Variants in CNGB3 observed in about 807,000 individuals in gnomAD.
CNGB3 encodes cyclic nucleotide gated channel subunit beta 3, also known as cyclic nucleotide-gated channel beta-3.
CNGB3 carries 86 observed loss-of-function variants against 92.8 expected under a neutral mutation model. The ratio of observed to expected loss-of-function variants is 0.93; its 90% confidence interval spans 0.78 to 1.11. The LOEUF (loss-of-function observed/expected upper bound fraction) is 1.11. Ranked by LOEUF, CNGB3 falls within the 50% of genes least tolerant of loss-of-function variation. The pLI, the probability that CNGB3 is intolerant of heterozygous loss-of-function variation, is 0.00. For missense variants in CNGB3, 1,026 were observed against 956.8 expected (o/e 1.07, Z -0.95); for synonymous variants, 333 against 332.7 (o/e 1.00, Z -0.01).
At chr8:86,710,673 C>T (rs1037082823) in intron 3 of CNGB3, among the ~76,000 whole-genome samples, 15 of 152,050 alleles carry the variant, frequency 9.9e-5, no homozygotes, top group Admixed American at 8.5e-4. Flanking sequence ...TCTATTACCA[C>T]GGAAGACTGC....
At position 86,654,973 on chromosome 8, in the gene CNGB3, A is replaced by G. The variant is rs115023524; in HGVS notation, c.853-911T>C. 4.4e-3 allele frequency among the ~76,000 whole-genome samples: 669 copies of G among 152,232 alleles called. 6 individuals carry two copies. Among genetic ancestry groups the G allele is most frequent in the African/African-American group, 0.015 (635 of 41,522 alleles). ...GCTGTTGATGGGTAAGCAACTGCCC[A>G]TTGTCCTCTTCACTTAGCAGATCCA... On this transcript the variant is annotated intron_variant, in intron 6 of 17. Coordinates refer to ENST00000320005, the MANE Select transcript of CNGB3 (RefSeq NM_019098.5).
intron 6 of CNGB3, among the ~76,000 whole-genome samples, chr8:86,664,643 G>A (rs1022225743): frequency 3.9e-5 from 6 of 152,200 alleles, no homozygotes; most frequent in African/African-American, 1.2e-4. Flanking sequence ...ATAAATCCAG[G>A]AGAAGATAAT....
intron 10 of CNGB3, among the ~76,000 whole-genome samples, chr8:86,640,491 C>T (rs1823161758): frequency 6.6e-6 from 1 of 151,982 alleles, no homozygotes; most frequent in South Asian, 2.1e-4. Context: ...TAAGGAAGTC[C>T]CCTCTACTTT....
chr8:86,717,153 C>G (rs568721774), intron 3 of CNGB3, among the ~76,000 whole-genome samples: 1 of 152,046 alleles, frequency 6.6e-6, no homozygotes, highest in East Asian at 1.9e-4. Context: ...AGGACTAGTC[C>G]AAGAGGAAAA....
At chr8:86,660,950 G>T (rs1823629546) in intron 6 of CNGB3, among the ~76,000 whole-genome samples, 1 of 152,158 alleles carries the variant, frequency 6.6e-6, no homozygotes. Flanking sequence ...TCTGGTGTTA[G>T]GAGCCATGGT....
chr8:86,713,145 C>G (rs1256742325), intron 3 of CNGB3, among the ~76,000 whole-genome samples: 6 of 152,042 alleles, frequency 3.9e-5, no homozygotes, highest in Non-Finnish European at 8.8e-5. Context: ...TAAATTTTAA[C>G]TATAGGAGAT....
At position 86,640,613 on chromosome 8, in the gene CNGB3, A is replaced by G. The variant is rs552904866; in HGVS notation, c.1178+3138T>C. ...GCCAACCTCCTTTGCTCAGCTCATC[A>G]GAACACTCATTTTATTTTATAGAAT... On this transcript the variant is annotated intron_variant, in intron 10 of 17. Transcript: ENST00000320005. Among the ~76,000 whole-genome samples, 7 of 152,160 alleles carry G rather than the reference A, an allele frequency of 4.6e-5. No individual in the cohort carries two copies. In the South Asian group the frequency reaches 1.5e-3, roughly 32 times the overall value.
chr8:86,613,481 A>G (rs532520015), intron 13 of CNGB3, among the ~76,000 whole-genome samples: 4 of 152,310 alleles, frequency 2.6e-5, no homozygotes, highest in African/African-American at 9.6e-5. Flanking sequence ...TTCTCCACTA[A>G]AGAAAATTTG....
intron 3 of CNGB3, among the ~76,000 whole-genome samples, chr8:86,721,504 C>T (rs1030511510): frequency 7.2e-5 from 11 of 152,102 alleles, no homozygotes; most frequent in South Asian, 4.2e-4. Flanking sequence ...CAGTAAAGGA[C>T]TTACTCATGT....
chr8:86,589,463 C>A (rs7003422), intron 15 of CNGB3, among the ~76,000 whole-genome samples: 1 of 151,088 alleles, frequency 6.6e-6, no homozygotes, highest in Non-Finnish European at 1.5e-5. Flanking sequence ...CCTGCTTTCT[C>A]TTGCGGGCAT....
At chr8:86,735,463 AG>A (rs1197885924) in intron 2 of CNGB3, among the ~76,000 whole-genome samples, 3 of 152,162 alleles carry the variant, frequency 2.0e-5, no homozygotes, top group Admixed American at 1.3e-4. Flanking sequence ...AATGGCTTAA[AG>A]CAACACAGTC....
chr8:86,741,873 C>T (rs937318414), intron 1 of CNGB3, among the ~76,000 whole-genome samples: 6 of 152,076 alleles, frequency 3.9e-5, no homozygotes, highest in African/African-American at 1.4e-4. Flanking sequence ...CTCTAATTTC[C>T]GTTTATCCTG....
intron 3 of CNGB3, among the ~76,000 whole-genome samples, chr8:86,718,776 T>C (rs1824911168): frequency 6.6e-6 from 1 of 150,496 alleles, no homozygotes; most frequent in South Asian, 2.1e-4. Context: ...CCTTAACAAA[T>C]TACTAGCTAA....
chr8:86,632,644 A>C, intron 11 of CNGB3, 108 bp downstream of exon 11: 1 of 1,206,782 alleles, frequency 8.3e-7, no homozygotes, highest in Non-Finnish European at 1.2e-6. Context: ...TTAGTTCAAA[A>C]AAAGAAGAAC....
chr8:86,724,060 A>G (rs546357474), intron 3 of CNGB3, among the ~76,000 whole-genome samples: 171 of 152,304 alleles, frequency 1.1e-3, no homozygotes, highest in African/African-American at 4.0e-3. Flanking sequence ...CTGAGGGTCA[A>G]AAAACTACCT....
intron 3 of CNGB3, among the ~76,000 whole-genome samples, chr8:86,694,833 G>A (rs1057292565): frequency 2.0e-5 from 3 of 151,708 alleles, no homozygotes; most frequent in African/African-American, 7.3e-5. Flanking sequence ...GCCAGGCAGA[G>A]GGGCTCCTCA....
intron 10 of CNGB3, 146 bp from the exon 11 acceptor site, chr8:86,633,039 G>A: frequency 2.8e-6 from 2 of 717,290 alleles, no homozygotes; most frequent in Non-Finnish European, 4.7e-6. Context: ...CAAACAGCAT[G>A]TGTGCTAATG....
At chr8:86,659,490 C>T (rs757356917) in intron 6 of CNGB3, 67 of 609,104 alleles carry the variant, frequency 1.1e-4, no homozygotes, top group Middle Eastern at 3.0e-4. Context: ...ATTCTGAGTT[C>T]TGTGGCTTCA....
chr8:86,731,923 A>G (rs1012115245), intron 2 of CNGB3, among the ~76,000 whole-genome samples: 5 of 152,154 alleles, frequency 3.3e-5, no homozygotes, highest in South Asian at 2.1e-4. Flanking sequence ...AAAAACTTCC[A>G]TTTACTTAAC....
Sources: gnomAD v4.1 joint callset for allele counts (sites outside exome capture counted in the v4.1 genomes callset) on GRCh38, gnomAD v4.1.1 for gene constraint, MANE v1.5 for transcripts, NCBI Gene and HGNC (gene_info 2026-07-23, HGNC 2026-07-21) for gene names.